Variants in IL25 observed in about 807,000 individuals in gnomAD.
The protein encoded by IL25 is interleukin 25.
Under a neutral mutation model 13.2 loss-of-function variants are expected in IL25, and 10 were observed. That is an observed-to-expected ratio of 0.76 (90% CI 0.47 to 1.29). IL25 has a LOEUF of 1.29. Ranked by LOEUF, IL25 falls within the 50% of genes most tolerant of loss-of-function variation. IL25 has a pLI of 0.00. For synonymous variants in IL25, 107 were observed against 92.1 expected (o/e 1.16, Z -0.93); for missense variants, 235 against 232.4 (o/e 1.01, Z -0.07).
rs753369307 is a variant in IL25 at position 23,375,900 on chromosome 14, G to A, written c.*20G>A. On this transcript the variant is annotated 3_prime_UTR_variant, in exon 2 of 2. Transcript: ENST00000329715. ...GGCTAGCCGGACCTGCTGGAGGCTGGTCCCTTTTTGGGAAACCTGGAGCCA... is the reference window on the plus strand; with the variant it reads ...GGCTAGCCGGACCTGCTGGAGGCTGATCCCTTTTTGGGAAACCTGGAGCCA... The A allele has an allele frequency of 7.5e-6, 12 of 1,609,154 alleles. No homozygotes were observed. The East Asian group carries it at 2.2e-4, about 30-fold the overall frequency.
exon 1 of IL25, chr14:23,373,027 A>G: frequency 6.2e-7 from 1 of 1,613,944 alleles, no homozygotes; most frequent in Admixed American, 1.7e-5. Context: ...AGGAGCAGAG[A>G]TGCTGCTGAG....
In IL25 at chr14:23,373,375, C is replaced by T. The variant is rs750522826; in HGVS notation, c.257C>T (p.Ala86Val). 8.7e-6 allele frequency: 14 copies of T among 1,612,642 alleles called. No individual in the cohort carries two copies. The South Asian group carries it at 1.2e-4, about 14-fold the overall frequency. The change falls in exon 1 of 2, where the codon GCC (alanine) becomes GTC (valine). Residue 86 changes from alanine to valine, a missense_variant. Physicochemically the swap from Ala to Val is moderately conservative, Grantham distance 64. Coordinates refer to ENST00000329715, the Ensembl canonical transcript of IL25. ...GAAGATGGACCCCTCAACAGCAGGG[C>T]CATCTCCCCCTGGAGATATGAGTGA...
At chr14:23,373,278 T>G (rs1595035832) in exon 1 of IL25, 1 of 1,614,040 alleles carries the variant, frequency 6.2e-7, no homozygotes, top group African/African-American at 1.3e-5. Flanking sequence ...GCTGCTGAGG[T>G]GGAGCACTGT....
At chr14:23,375,880 G>C in exon 2 of IL25, 2 of 1,613,032 alleles carry the variant, frequency 1.2e-6, no homozygotes, top group Non-Finnish European at 1.7e-6. Flanking sequence ...TGATGGGCTA[G>C]CCGGACCTGC....
intron 1 of IL25, among the ~76,000 whole-genome samples, chr14:23,373,999 T>C (rs917337723): frequency 4.6e-5 from 7 of 152,168 alleles, no homozygotes; most frequent in Non-Finnish European, 8.8e-5. Context: ...ATGAAAAATA[T>C]TAGGAAGTGC....
chr14:23,373,908 T>A (rs1462691522), intron 1 of IL25, among the ~76,000 whole-genome samples: 1 of 152,220 alleles, frequency 6.6e-6, no homozygotes, highest in Non-Finnish European at 1.5e-5. Context: ...GGACTGGATA[T>A]CTTTGATCAT....
At position 23,373,381 on chromosome 14, in the gene IL25, C is replaced by T. The variant is rs758562010; in HGVS notation, c.263C>T (p.Ser88Phe). Residue 88 changes from serine (S) to phenylalanine (F), a missense_variant, in exon 1 of 2, where the codon TCC (serine) becomes TTC (phenylalanine). Coordinates refer to ENST00000329715, the Ensembl canonical transcript of IL25. ...GGACCCCTCAACAGCAGGGCCATCT[C>T]CCCCTGGAGATATGAGTGAGTCTGC... is the stretch of plus-strand genomic sequence containing the variant. 4.3e-6 allele frequency: 7 copies of T among 1,609,888 alleles called. No homozygotes were observed. The highest frequency in any genetic ancestry group is 5.9e-6 in the Non-Finnish European group (7 of 1,177,022).
intron 1 of IL25, 107 bp from the exon 3 acceptor site, chr14:23,375,518 G>C: frequency 7.3e-7 from 1 of 1,374,454 alleles, no homozygotes; most frequent in Non-Finnish European, 1.0e-6. Flanking sequence ...GAGACAAGAG[G>C]CCAAGGCCCC....
intron 1 of IL25, among the ~76,000 whole-genome samples, chr14:23,374,762 A>C (rs1429757380): frequency 6.6e-6 from 1 of 151,464 alleles, no homozygotes; most frequent in Non-Finnish European, 1.5e-5. Context: ...ATCCTTTCAG[A>C]ATAAGTAAAT....
chr14:23,376,145 G>T (rs11465521), exon 2 of IL25: 9,610 of 496,350 alleles, frequency 0.019, 135 homozygotes, highest in Non-Finnish European at 0.027. Flanking sequence ...CCCATTTCTG[G>T]AGGCCACCAC....
chr14:23,375,647 C>G (rs776356526), exon 2 of IL25: 1 of 1,614,004 alleles, frequency 6.2e-7, no homozygotes, highest in South Asian at 1.1e-5. Flanking sequence ...CTTGAACCGG[C>G]TCCCCCAGGA....
At position 23,376,197 on chromosome 14, in the gene IL25, C is replaced by A. The variant is rs1395786768; in HGVS notation, c.*317C>A. 4.0e-5 allele frequency: 14 copies of A among 350,540 alleles called. 1 individual carries two copies. In the East Asian group the frequency reaches 8.1e-4, roughly 20 times the overall value. 21.7% of individuals were successfully genotyped at this position (350,540 alleles called of 1,614,324 possible). ...TTTCCCATCCCCTGCTACCCTGGCC[C>A]AGCACAGGCACTTTCTAGATATTTC... On this transcript the variant is annotated 3_prime_UTR_variant, in exon 2 of 2. Transcript: ENST00000329715.
exon 1 of IL25, chr14:23,373,353 G>T (rs759034830): frequency 6.2e-7 from 1 of 1,613,920 alleles, no homozygotes. Context: ...GGCCAGTGAA[G>T]ATGGACCCCT....
exon 1 of IL25, chr14:23,373,131 C>A: frequency 6.2e-7 from 1 of 1,614,142 alleles, no homozygotes; most frequent in Non-Finnish European, 8.5e-7. Context: ...GAGGGAGCGA[C>A]CCAGATTAGG....
At chr14:23,373,014 G>C (rs548137512) in exon 1 of IL25, 2 of 1,614,064 alleles carry the variant, frequency 1.2e-6, no homozygotes, top group African/African-American at 1.3e-5. Context: ...TGCTGAGAGG[G>C]AGAGGAGCAG....
exon 2 of IL25, chr14:23,375,870 T>C (rs1466830528): frequency 6.2e-7 from 1 of 1,613,828 alleles, no homozygotes; most frequent in Non-Finnish European, 8.5e-7. Context: ...CGGCCCCGTG[T>C]GATGGGCTAG....
chr14:23,375,390 G>T (rs543008446), intron 1 of IL25, among the ~76,000 whole-genome samples: 6 of 152,200 alleles, frequency 3.9e-5, no homozygotes, highest in Non-Finnish European at 7.3e-5. Context: ...CCTCCCTCAC[G>T]GTCCCAGGAC....
intron 1 of IL25, among the ~76,000 whole-genome samples, chr14:23,375,205 C>T (rs907126800): frequency 3.9e-5 from 6 of 152,110 alleles, no homozygotes; most frequent in Non-Finnish European, 5.9e-5. Flanking sequence ...GAGCCAAGAT[C>T]GTGCCACTGC....
exon 2 of IL25, chr14:23,375,818 G>A: frequency 6.2e-7 from 1 of 1,614,264 alleles, no homozygotes; most frequent in Non-Finnish European, 8.5e-7. Flanking sequence ...CTACTGCCTG[G>A]AGCGCAGGCT....
Sources: gnomAD v4.1 joint callset for allele counts (sites outside exome capture counted in the v4.1 genomes callset) on GRCh38, gnomAD v4.1.1 for gene constraint, MANE v1.5 for transcripts, NCBI Gene and HGNC (gene_info 2026-07-23, HGNC 2026-07-21) for gene names.